Variants in STON2 observed in about 807,000 individuals in gnomAD.
The protein encoded by STON2 is stonin-2.
A neutral mutation model predicts 65.7 loss-of-function variants in STON2; 29 were observed. The ratio of observed to expected loss-of-function variants is 0.44; its 90% CI spans 0.33 to 0.60. The LOEUF is 0.60. Among genes scored for constraint, STON2 ranks in the 20% least tolerant of loss-of-function variants. The pLI, the probability that STON2 is intolerant of heterozygous loss-of-function variation, is 0.03. For missense variants in STON2, 1,054 were observed against 1,118.1 expected, an observed-to-expected ratio of 0.94 and a Z score of 0.82; for synonymous variants, 404 against 414.2, an observed-to-expected ratio of 0.98 and a Z score of 0.30.
chr14:81,390,388 T>C (rs1302991930), intron 3 of STON2, among the ~76,000 whole-genome samples: 1 of 152,070 alleles, frequency 6.6e-6, no homozygotes, highest in Non-Finnish European at 1.5e-5. Flanking sequence ...AGCAGAACTA[T>C]ACAGAGGAAG....
At position 81,353,801 on chromosome 14, in the gene STON2, G is replaced by T. The variant is rs537707807; in HGVS notation, c.571+17187C>A. ...TGGGGTCAGGTAGCAACAAAGCAAGGCAGAGCCCACAGCAAACAGGATGTA... is the reference window on the plus strand; with the variant it reads ...TGGGGTCAGGTAGCAACAAAGCAAGTCAGAGCCCACAGCAAACAGGATGTA... On this transcript the variant is annotated intron_variant, in intron 4 of 7. Transcript: ENST00000614646. Among the ~76,000 whole-genome samples the T allele has an allele frequency of 9.3e-4, 141 of 152,194 alleles. 2 individuals are homozygous for T. The highest frequency in any genetic ancestry group is 6.0e-3 in the South Asian group (29 of 4,804).
In STON2 at chr14:81,310,355, G is replaced by A. The variant is rs377699957; in HGVS notation, c.742+13662C>T. On this transcript the variant is annotated intron_variant, in intron 5 of 7. Coordinates refer to ENST00000614646, the MANE Select transcript of STON2 (RefSeq NM_001394390.1). ...TGTCATACACTTCTTCTCTTGCACAGAACAGTAACTGTGAACCCTCAAAAT... is the reference window on the plus strand; with the variant it reads ...TGTCATACACTTCTTCTCTTGCACAAAACAGTAACTGTGAACCCTCAAAAT... 9.5e-4 allele frequency among the ~76,000 whole-genome samples: 145 copies of A among 152,192 alleles called. 2 individuals carry two copies. The highest frequency in any genetic ancestry group is 3.4e-3 in the Middle Eastern group (1 of 294).
At chr14:81,340,111 G>A (rs556851041) in intron 4 of STON2, among the ~76,000 whole-genome samples, 13 of 152,188 alleles carry the variant, frequency 8.5e-5, no homozygotes, top group Admixed American at 2.0e-4. Flanking sequence ...CCCAGATCGC[G>A]CCACCGCACT....
intron 5 of STON2, chr14:81,323,625 T>A (rs1471139056): frequency 1.3e-5 from 2 of 152,338 alleles, no homozygotes; most frequent in East Asian, 3.9e-4. Flanking sequence ...TACAAAGCTA[T>A]CTTGACACTT....
At chr14:81,417,293 G>T (rs1435571697) in intron 2 of STON2, among the ~76,000 whole-genome samples, 1 of 145,760 alleles carries the variant, frequency 6.9e-6, no homozygotes, top group Non-Finnish European at 1.5e-5. Context: ...CCGGCCCCCA[G>T]CTCTGCAACA....
intron 4 of STON2, among the ~76,000 whole-genome samples, chr14:81,327,393 T>G (rs968562604): frequency 1.2e-3 from 176 of 152,318 alleles, no homozygotes; most frequent in African/African-American, 3.7e-3. Flanking sequence ...CAATCTACAT[T>G]TTGATCATGG....
chr14:81,325,529 T>C (rs1896975433), intron 4 of STON2, among the ~76,000 whole-genome samples: 1 of 152,216 alleles, frequency 6.6e-6, no homozygotes, highest in African/African-American at 2.4e-5. Context: ...AAAAATTCTC[T>C]ATTATTCTTA....
chr14:81,337,371 G>A (rs775118769), intron 4 of STON2, among the ~76,000 whole-genome samples: 50 of 152,194 alleles, frequency 3.3e-4, no homozygotes, highest in Non-Finnish European at 4.9e-4. Flanking sequence ...GCCAGGCACC[G>A]GTGATACGCC....
intron 6 of STON2, among the ~76,000 whole-genome samples, chr14:81,275,511 C>T (rs773097652): frequency 6.6e-6 from 1 of 152,106 alleles, no homozygotes; most frequent in Non-Finnish European, 1.5e-5. Context: ...TTTCTCTCTT[C>T]CTCTGTCAAT....
chr14:81,274,836 T>C (rs1217879940), intron 6 of STON2, among the ~76,000 whole-genome samples: 1 of 151,840 alleles, frequency 6.6e-6, no homozygotes, highest in African/African-American at 2.4e-5. Flanking sequence ...ATCCAGGAGG[T>C]GGAAGTTGCA....
At chr14:81,434,942 T>G (rs535082519) in intron 1 of STON2, among the ~76,000 whole-genome samples, 40 of 152,190 alleles carry the variant, frequency 2.6e-4, no homozygotes, top group African/African-American at 9.4e-4. Flanking sequence ...TGCTGTGTGG[T>G]TGAGTTTTTT....
In STON2 at chr14:81,261,629, T is replaced by C; in HGVS notation, c.*6785A>G. Reference sequence around the variant, plus strand: ...ATGTTTACTGAGTGTCCTCCTTCAATTTTCACAATATTTTATACAAAATGA... The same window carrying C: ...ATGTTTACTGAGTGTCCTCCTTCAACTTTCACAATATTTTATACAAAATGA... On this transcript the variant is annotated 3_prime_UTR_variant, in exon 8 of 8. Coordinates refer to ENST00000614646, the MANE Select transcript of STON2 (RefSeq NM_001394390.1). The C allele has an allele frequency of 1.3e-6, 1 of 766,850 alleles. No homozygotes were observed. Among genetic ancestry groups the C allele is most frequent in the Non-Finnish European group, 1.8e-6 (1 of 558,104 alleles). The allele number at this position is 766,850 out of a possible 1,614,324, so 47.5% of individuals were successfully genotyped here.
At chr14:81,379,516 G>C (rs1899414205) in intron 3 of STON2, among the ~76,000 whole-genome samples, 1 of 152,106 alleles carries the variant, frequency 6.6e-6, no homozygotes, top group Non-Finnish European at 1.5e-5. Flanking sequence ...TTACTTCAGT[G>C]TCAATTAAAA....
At chr14:81,287,732 A>G (rs1045225792) in intron 5 of STON2, among the ~76,000 whole-genome samples, 5 of 152,120 alleles carry the variant, frequency 3.3e-5, no homozygotes, top group Admixed American at 1.3e-4. Context: ...CTCTGGTTCT[A>G]AACTTCTGCC....
chr14:81,307,189 C>G (rs1177998790), intron 5 of STON2, among the ~76,000 whole-genome samples: 1 of 152,204 alleles, frequency 6.6e-6, no homozygotes, highest in African/African-American at 2.4e-5. Context: ...AGAAATTACA[C>G]CTTCAAGTGA....
chr14:81,264,372 G>A lies in STON2; in HGVS notation c.*4042C>T. 1 of 985,252 alleles carries A rather than the reference G, an allele frequency of 1.0e-6. No homozygotes were observed. The highest frequency in any genetic ancestry group is 1.2e-6 in the Non-Finnish European group (1 of 829,786). 61.0% of individuals were successfully genotyped at this position (985,252 alleles called of 1,614,324 possible). A position where few individuals can be genotyped will look rare whatever the true frequency, so the allele number is the denominator to read the frequency against. ...TATGAGTATTTGATGATAAGTAAGGGTTAAGTAGCCTTCGAGTCTCAGGGT... is the reference window on the plus strand; with the variant it reads ...TATGAGTATTTGATGATAAGTAAGGATTAAGTAGCCTTCGAGTCTCAGGGT... On this transcript the variant is annotated 3_prime_UTR_variant, in exon 8 of 8. Transcript: ENST00000614646.
intron 2 of STON2, among the ~76,000 whole-genome samples, chr14:81,405,688 A>C (rs1900825317): frequency 6.6e-6 from 1 of 152,054 alleles, no homozygotes; most frequent in South Asian, 2.1e-4. Context: ...TCATTGGATT[A>C]ATTTGTTTCC....
At chr14:81,426,666 C>T (rs967672705) in intron 2 of STON2, among the ~76,000 whole-genome samples, 1 of 152,202 alleles carries the variant, frequency 6.6e-6, no homozygotes, top group African/African-American at 2.4e-5. Flanking sequence ...CCTCCAGTCC[C>T]CCTCGCCCGA....
At chr14:81,321,502 C>A (rs1042333978) in intron 5 of STON2, among the ~76,000 whole-genome samples, 4 of 152,036 alleles carry the variant, frequency 2.6e-5, no homozygotes, top group Admixed American at 2.0e-4. Context: ...GTACATGCTG[C>A]TCAAAGGCAA....
Sources: gnomAD v4.1 joint callset for allele counts (sites outside exome capture counted in the v4.1 genomes callset) on GRCh38, gnomAD v4.1.1 for gene constraint, MANE v1.5 for transcripts, NCBI Gene and HGNC (gene_info 2026-07-23, HGNC 2026-07-21) for gene names.